The following NPHS1 variants were observed in gnomAD, a reference collection of about 807,000 sequenced individuals.
NPHS1 encodes NPHS1 adhesion molecule, nephrin.
In NPHS1, 107 loss-of-function variants were observed where a neutral mutation model predicts 139.7. The observed-to-expected ratio is 0.77, with a 90% CI of 0.66 to 0.90. NPHS1 has a LOEUF of 0.90. Among genes scored for constraint, NPHS1 ranks in the 40% least tolerant of loss-of-function variants. The pLI, the probability that NPHS1 is intolerant of heterozygous loss-of-function variation, is 0.00. For missense variants in NPHS1, 1,580 were observed against 1,654.2 expected (o/e 0.96, Z 0.78); for synonymous variants, 707 against 706.6 (o/e 1.00, Z -0.01).
In NPHS1 at chr19:35,845,271, GA is replaced by G. The variant is rs1973118456; in HGVS notation, c.1930+96del. 2 of 1,358,262 alleles carry G rather than the reference GA, an allele frequency of 1.5e-6. No individual in the cohort carries two copies. Among genetic ancestry groups the G allele is most frequent in the East Asian group, 4.7e-5 (2 of 42,348 alleles). The allele number at this position is 1,358,262 out of a possible 1,614,324, so 84.1% of individuals were successfully genotyped here. On this transcript the variant is annotated intron_variant, in intron 14 of 28. Transcript: ENST00000378910. The surrounding 1 kb of genome is among the most constrained non-coding windows in gnomAD (Gnocchi z 5.5). ...AGCGACAAAAAATGAAAGAGAGAGA[GA>G]GAGAGAAGAGAAAAAGAAGGAAAAA...
Position 35,831,720 on chromosome 19 carries a change from C to A in NPHS1, c.3209G>T (p.Gly1070Val). 6.3e-7 allele frequency: 1 copy of A among 1,592,068 alleles called. No homozygotes were observed. Among genetic ancestry groups the A allele is most frequent in the South Asian group, 1.1e-5 (1 of 88,232 alleles). Residue 1070 changes from glycine to valine, a missense_variant, in exon 24 of 29, where the codon GGG becomes GTG. Physicochemically the swap from Gly to Val is moderately radical, Grantham distance 109. Coordinates refer to ENST00000378910, the MANE Select transcript of NPHS1 (RefSeq NM_004646.4). ...GGCATTGGAGAGGAGCAGAAGCCCC[C>A]CAAGAGCGAACAGCACAGGCAGCAG... The part of the protein sequence containing the change: ...LPLLPVLFAL[G>V]GLLLLSNASC...
intron 20 of NPHS1, among the ~76,000 whole-genome samples, chr19:35,840,579 C>T (rs893837069): frequency 6.6e-6 from 1 of 152,094 alleles, no homozygotes; most frequent in Non-Finnish European, 1.5e-5. Flanking sequence ...CGTGATCCAC[C>T]CGCCTCGGCC....
At position 35,844,205 on chromosome 19, in the gene NPHS1, G is replaced by GA; in HGVS notation, c.2109dup (p.Leu704SerfsTer22). 1 of 1,612,600 alleles carries GA rather than the reference G, an allele frequency of 6.2e-7. No homozygotes were observed. The highest frequency in any genetic ancestry group is 8.5e-7 in the Non-Finnish European group (1 of 1,179,964). Reference sequence around the variant, plus strand: ...GCGCGGGTCACATTCCACAGATGCAGAGCCCCGCTGGACAGGATGCGATGC... The same window carrying GA: ...GCGCGGGTCACATTCCACAGATGCAGAAGCCCCGCTGGACAGGATGCGATGC... On this transcript the variant is annotated frameshift_variant, in exon 16 of 29. Coordinates refer to ENST00000378910, the MANE Select transcript of NPHS1 (RefSeq NM_004646.4). LOFTEE classifies it high-confidence loss of function.
rs373204089 is a variant in NPHS1, at chr19:35,844,175, C to G, written c.2140G>C (p.Asp714His). 3.7e-6 allele frequency: 6 copies of G among 1,611,338 alleles called. No individual in the cohort carries two copies. The highest frequency in any genetic ancestry group is 1.1e-5 in the South Asian group (1 of 91,060). Residue 714 changes from aspartate (D) to histidine (H), a missense_variant, in exon 16 of 29, where the codon GAC becomes CAC. Physicochemically the swap from Asp to His is moderately conservative, Grantham distance 81. Coordinates refer to ENST00000378910, the MANE Select transcript of NPHS1 (RefSeq NM_004646.4). The stretch of plus-strand genomic sequence containing the variant: ...TGGCAGTGCAGCTGATAGAGGCCGT[C>G]GTCCGCGCGGGTCACATTCCACAGA... ...LHLWNVTRAD[D>H]GLYQLHCQNS...
At chr19:35,842,769 C>T (rs968856913) in intron 17 of NPHS1, among the ~76,000 whole-genome samples, 11 of 152,134 alleles carry the variant, frequency 7.2e-5, no homozygotes, top group African/African-American at 2.7e-4. Flanking sequence ...CACCCAACCA[C>T]TTATGCTTGG....
In NPHS1 at chr19:35,841,843, TG is replaced by T; in HGVS notation, c.2686del (p.Gln896ArgfsTer9). On this transcript the variant is annotated frameshift_variant, in exon 20 of 29. Coordinates refer to ENST00000378910, the MANE Select transcript of NPHS1 (RefSeq NM_004646.4). LOFTEE classifies it high-confidence loss of function. ...CAGGAGGCTGCTGTGGACACCACCC[TG>T]GTGGTATGTGTGCTCCGTGTACCTA... ...DPRYTEHTYH[Q>X]GGVHSSLLTI... The T allele has an allele frequency of 1.2e-6, 2 of 1,613,120 alleles. No individual in the cohort carries two copies. Among genetic ancestry groups the T allele is most frequent in the Non-Finnish European group, 1.7e-6 (2 of 1,179,534 alleles).
chr19:35,847,415 C>T (rs962027839), intron 11 of NPHS1, among the ~76,000 whole-genome samples: 5 of 132,300 alleles, frequency 3.8e-5, no homozygotes, highest in Admixed American at 9.0e-5. Flanking sequence ...AGTGCAGTGG[C>T]ACAACCTCGG....
chr19:35,825,840 G>A lies in NPHS1; in HGVS notation c.*674C>T, dbSNP rs913467954. Reference sequence around the variant, plus strand: ...ATTATTAGCTATTTCAGACGTCATGGAATGCAAAATGAACAGAGTTTTTCA... The same window carrying A: ...ATTATTAGCTATTTCAGACGTCATGAAATGCAAAATGAACAGAGTTTTTCA... On this transcript the variant is annotated 3_prime_UTR_variant, in exon 29 of 29. Transcript: ENST00000378910. The A allele has an allele frequency of 1.3e-5, 2 of 152,214 alleles. No individual in the cohort carries two copies. Among genetic ancestry groups the A allele is most frequent in the Admixed American group, 6.6e-5 (1 of 15,266 alleles). The allele number at this position is 152,214 out of a possible 1,614,324, so 9.4% of individuals were successfully genotyped here. A position where few individuals can be genotyped will look rare whatever the true frequency, so the allele number is the denominator to read the frequency against.
intron 23 of NPHS1, among the ~76,000 whole-genome samples, chr19:35,832,698 C>T (rs540894570): frequency 6.6e-6 from 1 of 151,808 alleles, no homozygotes; most frequent in East Asian, 2.0e-4. Context: ...ACCAGCCTGG[C>T]CGATATGGTA....
chr19:35,828,809 G>T (rs929181571), intron 28 of NPHS1, among the ~76,000 whole-genome samples: 5 of 152,178 alleles, frequency 3.3e-5, no homozygotes, highest in Admixed American at 2.6e-4. Context: ...GCCCTGTTCG[G>T]AAAAAGCGTG....
At chr19:35,846,341 C>A (rs923658069) in intron 11 of NPHS1, 147 bp from the exon 12 acceptor site, 5 of 809,218 alleles carry the variant, frequency 6.2e-6, no homozygotes, top group Admixed American at 2.2e-5. Context: ...AGCACCACCC[C>A]CCTAGGGCAA....
Position 35,842,449 on chromosome 19 carries a change from G to A in NPHS1, c.2436C>T (p.Gly812=), listed in dbSNP as rs768441489. ...RIHHAKLAQA[G]AYQCIVDNGV... ...CATTGTCCACAATGCACTGGTAAGCGCCAGCCTGGGCCAGTTTGGCATGGT... is the reference window on the plus strand; with the variant it reads ...CATTGTCCACAATGCACTGGTAAGCACCAGCCTGGGCCAGTTTGGCATGGT... The change falls in exon 18 of 29, where the codon GGC becomes GGT. Residue 812 remains glycine (G), a synonymous_variant. Transcript: ENST00000378910. 42 of 1,613,992 alleles carry A rather than the reference G, an allele frequency of 2.6e-5. No individual in the cohort carries two copies. The highest frequency in any genetic ancestry group is 1.6e-4 in the Middle Eastern group (1 of 6,084).
chr19:35,843,981 A>G, intron 16 of NPHS1, 122 bp downstream of exon 16: 1 of 1,391,002 alleles, frequency 7.2e-7, no homozygotes, highest in Non-Finnish European at 9.8e-7. Flanking sequence ...TGGGACTTCC[A>G]GAACGGGAGG....
chr19:35,846,164 G>C lies in NPHS1; in HGVS notation c.1471C>G (p.Pro491Ala), dbSNP rs751346432. The C allele has an allele frequency of 3.1e-6, 5 of 1,595,074 alleles. No homozygotes were observed. The highest frequency in any genetic ancestry group is 4.3e-6 in the Non-Finnish European group (5 of 1,172,778). The change falls in exon 12 of 29, where the codon CCG becomes GCG. Residue 491 changes from proline (P) to alanine (A), a missense_variant. By Grantham distance (27) the Pro-to-Ala change is conservative (BLOSUM62 -1). Transcript: ENST00000378910. ...AGATGCACGCGCCGCGACTCCTGCG[G>C]CAGCCGCGACTCGGTCACGGTGCGC... ...DSRTVTESRL[P>A]QESRRVHLGS... is the part of the protein sequence containing the mutation.
rs1469661277 is a variant in NPHS1 at position 35,830,904 on chromosome 19, C to T, written c.3534G>A (p.Glu1178=). ...DMAFPGHLYD[E]VERTYPPSGA... ...CAGACGGGGGGTACGTTCTTTCTAC[C>T]TCATCATACAAGTGCCCAGGGAAGG... Residue 1178 remains glutamate, a synonymous_variant, in exon 28 of 29, where the codon GAG becomes GAA. Transcript: ENST00000378910. 4.3e-6 allele frequency: 7 copies of T among 1,613,986 alleles called. No homozygotes were observed. The African/African-American group carries it at 8.0e-5, about 18-fold the overall frequency.
rs2146831013 is a variant in NPHS1 at position 35,850,971 on chromosome 19, G to A, written c.516C>T (p.Thr172=). Residue 172 remains threonine (T), a synonymous_variant, in exon 4 of 29, where the codon ACC becomes ACT. Coordinates refer to ENST00000378910, the MANE Select transcript of NPHS1 (RefSeq NM_004646.4). ...SGDAKPAPDI[T]ILLSGQTISD... Reference sequence around the variant, plus strand: ...TTCACCCACACTCACTCAGGAGAATGGTGATGTCAGGTGCTGGCTTCGCGT... The same window carrying A: ...TTCACCCACACTCACTCAGGAGAATAGTGATGTCAGGTGCTGGCTTCGCGT... The A allele has an allele frequency of 6.2e-7, 1 of 1,614,048 alleles. No individual in the cohort carries two copies. Among genetic ancestry groups the A allele is most frequent in the South Asian group, 1.1e-5 (1 of 91,074 alleles).
At chr19:35,826,719 A>G (rs1972805575) in intron 28 of NPHS1, 74 bp from the exon 29 acceptor site, 1 of 1,539,146 alleles carries the variant, frequency 6.5e-7, no homozygotes, top group Non-Finnish European at 9.0e-7. Context: ...TGGGGGATAC[A>G]TGCCCCTGCT....
intron 11 of NPHS1, among the ~76,000 whole-genome samples, chr19:35,846,993 T>C (rs1224340691): frequency 6.6e-6 from 1 of 152,246 alleles, no homozygotes; most frequent in Non-Finnish European, 1.5e-5. Flanking sequence ...TTAATACTAA[T>C]GAATTTCCGA....
At position 35,851,319 on chromosome 19, in the gene NPHS1, C is replaced by T. The variant is rs780271110; in HGVS notation, c.340G>A (p.Gly114Ser). ...SDDAEYECQV[G>S]RSEMGPELVS... ...AGCTCGGGCCCCATCTCAGAGCGGC[C>T]GACCTGGCACTCATACTCCGCGTCA... The change falls in exon 3 of 29, where the codon GGC (glycine) becomes AGC (serine). Residue 114 changes from glycine (G) to serine (S), a missense_variant. Transcript: ENST00000378910. 1.6e-5 allele frequency: 26 copies of T among 1,613,800 alleles called. No individual in the cohort carries two copies. Among genetic ancestry groups the T allele is most frequent in the Admixed American group, 5.0e-5 (3 of 59,978 alleles).
Sources: allele counts gnomAD v4.1 joint callset (sites outside exome capture counted in the v4.1 genomes callset), GRCh38; gene constraint gnomAD v4.1.1; non-coding constraint Gnocchi (gnomAD v3.1); transcripts MANE v1.5; gene names NCBI Gene and HGNC (gene_info 2026-07-23, HGNC 2026-07-21).